SEC24C: variants seen among roughly 807,000 people sequenced by gnomAD.
SEC24C encodes protein transport protein Sec24C.
SEC24C carries 22 observed loss-of-function variants against 117.0 expected under a neutral mutation model. The ratio of observed to expected loss-of-function variants is 0.19; its 90% confidence interval spans 0.13 to 0.27. The LOEUF (loss-of-function observed/expected upper bound fraction) is 0.27, where lower values mean the gene tolerates loss of function less well. SEC24C is among the 10% of genes least tolerant of loss of function. The probability of loss-of-function intolerance (pLI) is 1.00; values close to 1 mark genes in which losing one functional copy is unlikely to be tolerated. For missense variants in SEC24C, 1,155 were observed against 1,375.1 expected, an observed-to-expected ratio of 0.84 and a Z score of 2.53; for synonymous variants, 506 against 529.4, an observed-to-expected ratio of 0.96 and a Z score of 0.61.
chr10:73,769,107 C>G lies in SEC24C; in HGVS notation c.2379C>G (p.Phe793Leu), dbSNP rs768362465. 2 of 1,614,168 alleles carry G rather than the reference C, an allele frequency of 1.2e-6. No homozygotes were observed. Among genetic ancestry groups the G allele is most frequent in the East Asian group, 2.2e-5 (1 of 44,872 alleles). ...GGGACAAAACAGTGACTGTGGAGTT[C>G]AAGCATGACGATCGGCTCAATGAAG... is the stretch of plus-strand genomic sequence containing the variant. ...LDGDKTVTVE[F>L]KHDDRLNEES... The change falls in exon 17 of 23, where the codon TTC becomes TTG. Residue 793 changes from phenylalanine to leucine, a missense_variant. Phe to Leu is a conservative substitution (Grantham distance 22). Around this residue, in one of 2 missense-constraint regions of SEC24C, gnomAD observed 759 missense variants for 992.3 expected, o/e 0.76. Coordinates refer to ENST00000345254, the MANE Select transcript of SEC24C (RefSeq NM_198597.3). The surrounding 1 kb of genome is among the most constrained non-coding windows in gnomAD (Gnocchi z 4.5).
chr10:73,760,572 A>G (rs2082783033), intron 5 of SEC24C, 141 bp from the exon 6 acceptor site: 3 of 1,158,846 alleles, frequency 2.6e-6, no homozygotes, highest in Middle Eastern at 3.0e-4. Flanking sequence ...TTCTGATAAC[A>G]TGGTATTTTT....
rs1589521008 is a variant in SEC24C at position 73,760,380 on chromosome 10, C to A, written c.844C>A (p.Gln282Lys). 2 of 1,588,324 alleles carry A rather than the reference C, an allele frequency of 1.3e-6. No individual in the cohort carries two copies. The highest frequency in any genetic ancestry group is 1.7e-6 in the Non-Finnish European group (2 of 1,168,590). ...SPQQPGYQPQQNGSFGPARGP... is the reference protein window; with the variant it reads ...SPQQPGYQPQKNGSFGPARGP... ...GCAGCAGCCAGGCTATCAGCCCCAA[C>A]AAAATGGTGAGTCTTTCCCAAGGTC... Residue 282 changes from glutamine (Q) to lysine (K), a missense_variant, in exon 5 of 23, where the codon CAA (glutamine) becomes AAA (lysine). By Grantham distance (53) the Gln-to-Lys change is moderately conservative (BLOSUM62 1). Transcript: ENST00000345254.
At chr10:73,750,053 T>TG (rs1176485564) in intron 2 of SEC24C, among the ~76,000 whole-genome samples, 2 of 152,160 alleles carry the variant, frequency 1.3e-5, no homozygotes, top group Admixed American at 6.5e-5. Flanking sequence ...ATTTTAACTG[T>TG]GGGGAAAAAA....
chr10:73,770,072 G>GCCTCTT, intron 20 of SEC24C, 57 bp downstream of exon 20: 1 of 1,525,934 alleles, frequency 6.6e-7, no homozygotes, highest in South Asian at 1.1e-5. Flanking sequence ...CTCTTAGGAG[G>GCCTCTT]AGGAAAGGAT....
chr10:73,770,326 C>T lies in SEC24C; in HGVS notation c.2909C>T (p.Ala970Val), dbSNP rs1159940192. The T allele has an allele frequency of 3.7e-6, 6 of 1,613,630 alleles. No individual in the cohort carries two copies. The highest frequency in any genetic ancestry group is 4.2e-6 in the Non-Finnish European group (5 of 1,179,856). Residue 970 changes from alanine to valine, a missense_variant, in exon 21 of 23, where the codon GCC becomes GTC. By Grantham distance (64) the Ala-to-Val change is moderately conservative. This residue lies in a region of SEC24C where 759 missense variants were observed against 992.3 expected (regional missense o/e 0.76). Transcript: ENST00000345254. Reference protein sequence around the residue: ...ESTTEPPAVRASEERLSNGDI... With the variant: ...ESTTEPPAVRVSEERLSNGDI... Reference sequence around the variant, plus strand: ...ACTACCGAACCACCAGCAGTTCGAGCCTCTGAAGAGCGTCTAAGCAATGGG... The same window carrying T: ...ACTACCGAACCACCAGCAGTTCGAGTCTCTGAAGAGCGTCTAAGCAATGGG...
intron 2 of SEC24C, among the ~76,000 whole-genome samples, chr10:73,748,952 A>G (rs954170282): frequency 6.6e-6 from 1 of 152,198 alleles, no homozygotes; most frequent in Non-Finnish European, 1.5e-5. Context: ...CATGTTGGCC[A>G]GGCTGGTCTC....
At chr10:73,766,877 C>T (rs372547849) in intron 13 of SEC24C, 24 bp downstream of exon 13, 16 of 1,588,948 alleles carry the variant, frequency 1.0e-5, no homozygotes, top group Middle Eastern at 1.7e-4. Flanking sequence ...ATCGGGCAAC[C>T]TCCTCTAACT....
At chr10:73,764,510 C>G (rs1349748701) in intron 8 of SEC24C, among the ~76,000 whole-genome samples, 3 of 138,478 alleles carry the variant, frequency 2.2e-5, no homozygotes, top group African/African-American at 8.2e-5. Context: ...GGCAACAGAG[C>G]GAGACTCTGT....
At position 73,766,791 on chromosome 10, in the gene SEC24C, G is replaced by A; in HGVS notation, c.1831G>A (p.Asp611Asn). The A allele has an allele frequency of 1.2e-6, 2 of 1,614,152 alleles. No individual in the cohort carries two copies. Among genetic ancestry groups the A allele is most frequent in the Non-Finnish European group, 1.7e-6 (2 of 1,180,024 alleles). The change falls in exon 13 of 23, where the codon GAC (aspartate) becomes AAC (asparagine). Residue 611 changes from aspartate to asparagine, a missense_variant. This residue lies in a region of SEC24C where 759 missense variants were observed against 992.3 expected (regional missense o/e 0.76). Coordinates refer to ENST00000345254, the MANE Select transcript of SEC24C (RefSeq NM_198597.3). ...GGATCAGATTCCAGAAATGTTTGCA[G>A]ACACAAGGGAAACAGAGACAGTATT... ...LLDQIPEMFA[D>N]TRETETVFVP...
At chr10:73,755,606 G>T (rs1296413622) in intron 3 of SEC24C, among the ~76,000 whole-genome samples, 1 of 151,812 alleles carries the variant, frequency 6.6e-6, no homozygotes, top group African/African-American at 2.4e-5. Context: ...GAACCCAGGA[G>T]GCAGAGCTTG....
intron 3 of SEC24C, among the ~76,000 whole-genome samples, chr10:73,758,644 G>C (rs937869391): frequency 2.0e-5 from 3 of 152,124 alleles, no homozygotes; most frequent in Non-Finnish European, 4.4e-5. Context: ...CTTTTCATTA[G>C]AATAGAATCA....
chr10:73,755,654 G>A (rs547061440), intron 3 of SEC24C, among the ~76,000 whole-genome samples: 208 of 151,564 alleles, frequency 1.4e-3, no homozygotes, highest in African/African-American at 4.7e-3. Context: ...TCCAGCCTGG[G>A]CGACAGACAG....
chr10:73,763,667 CTTTTTTTTTTTT>C (rs71021569), intron 7 of SEC24C, 66 bp downstream of exon 7: 132 of 60,492 alleles, frequency 2.2e-3, no homozygotes, highest in Non-Finnish European at 2.9e-3. Context: ...ATGGTTGGGG[CTTTTTTTTTTTT>C]TTTTTTTTTT....
Position 73,771,953 on chromosome 10 carries a change from C to G in SEC24C, c.*858C>G, listed in dbSNP as rs565271994. ...GCGCCGTTCTCTCCTGCTGGGACAC[C>G]GCTTGGGCTTTGGTATTGACTGAGT... is the stretch of plus-strand genomic sequence containing the variant. On this transcript the variant is annotated 3_prime_UTR_variant, in exon 23 of 23. Transcript: ENST00000345254. The G allele has an allele frequency of 2.6e-5, 5 of 193,782 alleles. No homozygotes were observed. Among genetic ancestry groups the G allele is most frequent in the African/African-American group, 1.2e-4 (5 of 43,316 alleles). The allele number at this position is 193,782 out of a possible 1,614,324, so 12.0% of individuals were successfully genotyped here. A position where few individuals can be genotyped will look rare whatever the true frequency, so the allele number is the denominator to read the frequency against.
chr10:73,763,915 A>G lies in SEC24C; in HGVS notation c.1159A>G (p.Met387Val). ...CTATAATATCCCTTGCACATCTGAC[A>G]TGGCTAAGCAGGCTCAGGTGCCCCT... ...TSYNIPCTSD[M>V]AKQAQVPLAA... is the part of the protein sequence containing the mutation. The change falls in exon 8 of 23, where the codon ATG becomes GTG. Residue 387 changes from methionine to valine, a missense_variant. Coordinates refer to ENST00000345254, the MANE Select transcript of SEC24C (RefSeq NM_198597.3). 4 of 1,613,250 alleles carry G rather than the reference A, an allele frequency of 2.5e-6. No homozygotes were observed. The highest frequency in any genetic ancestry group is 2.2e-5 in the South Asian group (2 of 90,826).
At chr10:73,747,231 G>T (rs1181561993) in intron 2 of SEC24C, among the ~76,000 whole-genome samples, 1 of 152,032 alleles carries the variant, frequency 6.6e-6, no homozygotes, top group Non-Finnish European at 1.5e-5. Context: ...CACTCATGCT[G>T]GATTACAGTG....
intron 5 of SEC24C, 124 bp downstream of exon 5, chr10:73,760,510 A>G: frequency 7.9e-7 from 1 of 1,272,226 alleles, no homozygotes. Context: ...GGGTAGCTTC[A>G]GGGTATTATT....
intron 2 of SEC24C, 29 bp from the exon 3 acceptor site, chr10:73,751,079 A>G (rs967793666): frequency 2.5e-6 from 4 of 1,600,606 alleles, no homozygotes; most frequent in African/African-American, 1.3e-5. Context: ...TTATTTCCCA[A>G]TCACTTAGTT....
chr10:73,757,974 G>T (rs189466325), intron 3 of SEC24C, among the ~76,000 whole-genome samples: 92 of 136,068 alleles, frequency 6.8e-4, no homozygotes, highest in Middle Eastern at 8.3e-3. Context: ...GGTGGCTCAC[G>T]CCTGTAATCC....
Sources: gnomAD v4.1 joint callset for allele counts (sites outside exome capture counted in the v4.1 genomes callset) on GRCh38, gnomAD v4.1.1 for gene constraint, gnomAD v4.1.1 regional missense constraint, Gnocchi (gnomAD v3.1) non-coding constraint, MANE v1.5 for transcripts, NCBI Gene and HGNC (gene_info 2026-07-23, HGNC 2026-07-21) for gene names.